DCC: variants seen among roughly 807,000 people sequenced by gnomAD.
The protein encoded by DCC is netrin receptor DCC.
Under a neutral mutation model 172.5 loss-of-function variants are expected in DCC, and 58 were observed. The observed-to-expected ratio is 0.34, with a 90% confidence interval of 0.27 to 0.42. DCC has a LOEUF of 0.42. DCC is among the 10% of genes least tolerant of loss of function. The pLI, the probability that DCC is intolerant of heterozygous loss-of-function variation, is 1.00. For synonymous variants in DCC, 709 were observed against 644.5 expected (o/e 1.10, Z -1.52); for missense variants, 1,740 against 1,791.0 (o/e 0.97, Z 0.51).
chr18:52,340,927 C>T, intron 1 of DCC, 49 bp downstream of exon 1: 2 of 1,373,550 alleles, frequency 1.5e-6, no homozygotes, highest in Non-Finnish European at 2.1e-6. Flanking sequence ...CCGTACCCCA[C>T]TTCCCTTCTC....
chr18:53,441,479 T>G (rs1912271020), intron 22 of DCC, among the ~76,000 whole-genome samples: 1 of 152,074 alleles, frequency 6.6e-6, no homozygotes, highest in Admixed American at 6.5e-5. Context: ...TCATGAGATC[T>G]CCACCCCGAC....
intron 15 of DCC, among the ~76,000 whole-genome samples, chr18:53,367,271 G>GA (rs1464445646): frequency 2.3e-5 from 3 of 133,068 alleles, no homozygotes; most frequent in East Asian, 3.9e-4. Flanking sequence ...ATGCTTCAAA[G>GA]AAAAAAATGA....
At chr18:53,372,577 A>C (rs1229266915) in intron 15 of DCC, among the ~76,000 whole-genome samples, 1 of 152,082 alleles carries the variant, frequency 6.6e-6, no homozygotes, top group African/African-American at 2.4e-5. Context: ...CCTATATAAC[A>C]AACTTGCACA....
At chr18:53,241,798 G>A (rs1811358) in intron 12 of DCC, among the ~76,000 whole-genome samples, 64,064 of 151,946 alleles carry the variant, frequency 0.42, 14,066 homozygotes, top group East Asian at 0.62. Context: ...GGTTCCCTCT[G>A]TGTGATCTGC....
At chr18:53,329,193 G>A (rs1407046674) in intron 14 of DCC, among the ~76,000 whole-genome samples, 1 of 152,064 alleles carries the variant, frequency 6.6e-6, no homozygotes, top group Non-Finnish European at 1.5e-5. Flanking sequence ...AAAACATTAT[G>A]CCAAATGGTA....
chr18:52,420,195 C>T (rs1385648806), intron 1 of DCC, among the ~76,000 whole-genome samples: 1 of 152,110 alleles, frequency 6.6e-6, no homozygotes, highest in Non-Finnish European at 1.5e-5. Context: ...ATTGGGGAAT[C>T]GGTTCTCAAG....
At chr18:52,579,438 G>A (rs1304448977) in intron 1 of DCC, among the ~76,000 whole-genome samples, 1 of 152,198 alleles carries the variant, frequency 6.6e-6, no homozygotes, top group Non-Finnish European at 1.5e-5. Flanking sequence ...ATATGCAATA[G>A]GGCAAAGACT....
At chr18:53,397,575 A>C in intron 18 of DCC, 129 bp downstream of exon 18, 2 of 961,414 alleles carry the variant, frequency 2.1e-6, no homozygotes, top group Non-Finnish European at 3.2e-6. Flanking sequence ...CATCCTCTAT[A>C]GTTCATAGCA....
intron 12 of DCC, among the ~76,000 whole-genome samples, chr18:53,301,586 A>T (rs2057142634): frequency 6.6e-6 from 1 of 152,060 alleles, no homozygotes; most frequent in African/African-American, 2.4e-5. Flanking sequence ...CCCCTCCCCA[A>T]ACCCTGCCTC....
intron 1 of DCC, among the ~76,000 whole-genome samples, chr18:52,371,017 A>G (rs569281036): frequency 1.3e-5 from 2 of 152,316 alleles, no homozygotes; most frequent in South Asian, 2.1e-4. Flanking sequence ...TCAGAAATCA[A>G]TAGAACTTTG....
intron 1 of DCC, among the ~76,000 whole-genome samples, chr18:52,601,556 C>T (rs2034018545): frequency 6.6e-6 from 1 of 151,946 alleles, no homozygotes; most frequent in Non-Finnish European, 1.5e-5. Context: ...TTTCTTCCTC[C>T]TAATGCCACA....
intron 7 of DCC, among the ~76,000 whole-genome samples, chr18:53,127,280 T>A (rs1017311385): frequency 6.6e-6 from 1 of 151,982 alleles, no homozygotes; most frequent in African/African-American, 2.4e-5. Context: ...GTGCTGGGGT[T>A]ACAGGCAGAA....
At chr18:52,744,584 AT>A (rs2036878559) in intron 1 of DCC, among the ~76,000 whole-genome samples, 1 of 152,172 alleles carries the variant, frequency 6.6e-6, no homozygotes, top group South Asian at 2.1e-4. Flanking sequence ...TTCTGACAAT[AT>A]TTTTTAATGT....
chr18:53,300,202 G>T (rs914462720), intron 12 of DCC, among the ~76,000 whole-genome samples: 2 of 152,116 alleles, frequency 1.3e-5, no homozygotes, highest in African/African-American at 4.8e-5. Context: ...TAGTTGCAAA[G>T]TTGCCTGCCT....
chr18:52,991,361 T>G (rs1486886820), intron 5 of DCC, among the ~76,000 whole-genome samples: 5 of 152,200 alleles, frequency 3.3e-5, no homozygotes, highest in African/African-American at 4.8e-5. Context: ...AAATCCAAGT[T>G]ATGTTGGACA....
intron 5 of DCC, among the ~76,000 whole-genome samples, chr18:53,035,553 G>A (rs2042081587): frequency 1.3e-5 from 2 of 152,066 alleles, no homozygotes; most frequent in South Asian, 2.1e-4. Context: ...AGAATATAAA[G>A]GTTAATGTGA....
At chr18:52,908,734 G>A (rs1329100683) in intron 3 of DCC, among the ~76,000 whole-genome samples, 1 of 152,024 alleles carries the variant, frequency 6.6e-6, no homozygotes, top group African/African-American at 2.4e-5. Flanking sequence ...TTCTTAATTT[G>A]CCTAAAATAG....
intron 3 of DCC, among the ~76,000 whole-genome samples, chr18:52,917,571 G>C (rs2040060795): frequency 6.6e-6 from 1 of 152,026 alleles, no homozygotes; most frequent in Non-Finnish European, 1.5e-5. Context: ...AGCTAAAGTA[G>C]GTCAATATTT....
chr18:52,355,316 G>A (rs1465838859), intron 1 of DCC, among the ~76,000 whole-genome samples: 1 of 152,112 alleles, frequency 6.6e-6, no homozygotes, highest in African/African-American at 2.4e-5. Flanking sequence ...TTTTCTACTG[G>A]TAAGGACTCA....
Sources: allele counts gnomAD v4.1 joint callset (sites outside exome capture counted in the v4.1 genomes callset), GRCh38; gene constraint gnomAD v4.1.1; transcripts MANE v1.5; gene names NCBI Gene and HGNC (gene_info 2026-07-23, HGNC 2026-07-21).